P4HA3: variants seen among roughly 807,000 people sequenced by gnomAD.
P4HA3 encodes the protein prolyl 4-hydroxylase subunit alpha-3.
Under a neutral mutation model 66.7 loss-of-function variants are expected in P4HA3, and 60 were observed. The observed-to-expected ratio is 0.90, with a 90% CI of 0.73 to 1.12. P4HA3 has a LOEUF of 1.12. Ranked by LOEUF, P4HA3 falls within the 50% of genes most tolerant of loss-of-function variation. The pLI is 0.00. For synonymous variants in P4HA3, 263 were observed against 274.6 expected, an observed-to-expected ratio of 0.96 and a Z score of 0.42; for missense variants, 683 against 685.8, an observed-to-expected ratio of 1.00 and a Z score of 0.05.
At chr11:74,297,594 T>C (rs1015371386) in intron 4 of P4HA3, among the ~76,000 whole-genome samples, 1 of 152,156 alleles carries the variant, frequency 6.6e-6, no homozygotes, top group Admixed American at 6.5e-5. Flanking sequence ...AGCTGCTTTA[T>C]TTAGGGAAAT....
At chr11:74,251,308 G>C (rs1422181177) in intron 15 of P4HA3, 3 of 1,363,580 alleles carry the variant, frequency 2.2e-6, no homozygotes, top group African/African-American at 1.5e-5. Context: ...AGATGGAAGA[G>C]GGATGATTAG....
At chr11:74,263,678 A>C (rs1565401791), downstream of P4HA3, among the ~76,000 whole-genome samples, 1 of 152,230 alleles carries the variant, frequency 6.6e-6, no homozygotes, top group South Asian at 2.1e-4. Context: ...TGCCTGGCCT[A>C]TCATAAATGA....
chr11:74,278,409 C>T (rs1416068360), intron 8 of P4HA3, among the ~76,000 whole-genome samples: 1 of 152,112 alleles, frequency 6.6e-6, no homozygotes. Context: ...AATGGGTACT[C>T]AGTGAAGGTG....
At chr11:74,269,531 G>A in intron 11 of P4HA3, 121 bp downstream of exon 11, 1 of 969,698 alleles carries the variant, frequency 1.0e-6, no homozygotes, top group South Asian at 1.9e-5. Context: ...CTGGGAATTG[G>A]GGAAGACCTC....
At chr11:74,256,790 G>A (rs1375455686) in intron 15 of P4HA3, among the ~76,000 whole-genome samples, 1 of 152,188 alleles carries the variant, frequency 6.6e-6, no homozygotes, top group African/African-American at 2.4e-5. Context: ...AGGAAGGTAG[G>A]CACATTTTGG....
At chr11:74,293,252 G>A (rs1179333217) in intron 4 of P4HA3, among the ~76,000 whole-genome samples, 3 of 151,812 alleles carry the variant, frequency 2.0e-5, no homozygotes, top group Admixed American at 6.6e-5. Context: ...TGTTTTATCC[G>A]AGACTAGGAT....
Position 74,286,397 on chromosome 11 carries a change from A to G in P4HA3, c.770-6T>C. The G allele has an allele frequency of 6.5e-7, 1 of 1,531,054 alleles. No individual in the cohort carries two copies. Among genetic ancestry groups the G allele is most frequent in the Non-Finnish European group, 8.8e-7 (1 of 1,140,632 alleles). 94.8% of individuals were successfully genotyped at this position (1,531,054 alleles called of 1,614,324 possible). On this transcript the variant is annotated splice_polypyrimidine_tract_variant and splice_region_variant and intron_variant, in intron 5 of 12. Transcript: ENST00000331597. ...CATCCTCTTATTATCTGGGCCTGGA[A>G]GAAATCAGAGCAGGGAATATAAAAT...
At chr11:74,262,435 G>A (rs1859922377), downstream of P4HA3, among the ~76,000 whole-genome samples, 1 of 152,130 alleles carries the variant, frequency 6.6e-6, no homozygotes, top group Non-Finnish European at 1.5e-5. Context: ...TCCAAAGGGG[G>A]AGAAAATTGT....
At chr11:74,284,184 G>A (rs1032605421) in intron 7 of P4HA3, among the ~76,000 whole-genome samples, 5 of 152,146 alleles carry the variant, frequency 3.3e-5, no homozygotes, top group Non-Finnish European at 5.9e-5. Context: ...ATTTTTTCTT[G>A]TTAATATTTA....
intron 3 of P4HA3, among the ~76,000 whole-genome samples, chr11:74,299,881 G>A (rs1259378320): frequency 6.6e-6 from 1 of 152,066 alleles, no homozygotes; most frequent in African/African-American, 2.4e-5. Flanking sequence ...CCCAGGAACT[G>A]GAACTAAGAC....
chr11:74,260,953 A>G (rs1269238369), intron 14 of P4HA3, among the ~76,000 whole-genome samples: 1 of 152,138 alleles, frequency 6.6e-6, no homozygotes. Context: ...CTACTTGCCA[A>G]CTGGGGACCT....
At chr11:74,297,927 A>G (rs1209633983) in intron 4 of P4HA3, among the ~76,000 whole-genome samples, 4 of 152,214 alleles carry the variant, frequency 2.6e-5, no homozygotes, top group Non-Finnish European at 2.9e-5. Context: ...TGCCTCCTAC[A>G]TGGGAAATAA....
At chr11:74,270,843 T>C (rs1276336763) in intron 10 of P4HA3, among the ~76,000 whole-genome samples, 1 of 152,168 alleles carries the variant, frequency 6.6e-6, no homozygotes, top group Non-Finnish European at 1.5e-5. Flanking sequence ...ATCCAAATGT[T>C]TACTATTATA....
At chr11:74,307,806 A>G (rs1180901219) in intron 1 of P4HA3, among the ~76,000 whole-genome samples, 1 of 152,208 alleles carries the variant, frequency 6.6e-6, no homozygotes, top group Non-Finnish European at 1.5e-5. Flanking sequence ...ACCACAATAC[A>G]TGGGCTATTT....
chr11:74,264,282 G>A (rs926007682), downstream of P4HA3, among the ~76,000 whole-genome samples: 3 of 152,148 alleles, frequency 2.0e-5, no homozygotes, highest in Non-Finnish European at 4.4e-5. Context: ...CCCTGGGGAG[G>A]TGAAGTTCAA....
intron 15 of P4HA3, among the ~76,000 whole-genome samples, chr11:74,258,461 C>T (rs1198040292): frequency 1.3e-5 from 2 of 152,110 alleles, no homozygotes; most frequent in Non-Finnish European, 2.9e-5. Flanking sequence ...TTATAAAGCA[C>T]GTTTACAACC....
chr11:74,305,970 T>C (rs1290394519), intron 1 of P4HA3, among the ~76,000 whole-genome samples: 2 of 152,082 alleles, frequency 1.3e-5, no homozygotes, highest in Non-Finnish European at 2.9e-5. Context: ...GAGGGGATGA[T>C]TAATTTGGCC....
At chr11:74,264,063 G>A (rs1859951783), downstream of P4HA3, among the ~76,000 whole-genome samples, 1 of 152,228 alleles carries the variant, frequency 6.6e-6, no homozygotes, top group Non-Finnish European at 1.5e-5. Flanking sequence ...AGGGGGTATG[G>A]AGACTAGTGC....
At chr11:74,276,681 G>C (rs985916097) in intron 9 of P4HA3, among the ~76,000 whole-genome samples, 1 of 152,184 alleles carries the variant, frequency 6.6e-6, no homozygotes, top group Non-Finnish European at 1.5e-5. Flanking sequence ...CATGAGGCTA[G>C]AAGAGTTACT....
Sources: gnomAD v4.1 joint callset for allele counts (sites outside exome capture counted in the v4.1 genomes callset) on GRCh38, gnomAD v4.1.1 for gene constraint, MANE v1.5 for transcripts, NCBI Gene and HGNC (gene_info 2026-07-23, HGNC 2026-07-21) for gene names.